The following DYSF variants were observed in gnomAD, a reference collection of about 807,000 sequenced individuals.
The protein encoded by DYSF is dystrophy-associated fer-1-like 1.
Under a neutral mutation model 274.9 loss-of-function variants are expected in DYSF, and 212 were observed. That is an observed-to-expected ratio of 0.77 (90% CI 0.69 to 0.86). The LOEUF (loss-of-function observed/expected upper bound fraction) is 0.86, where lower values mean the gene tolerates loss of function less well. Ranked by LOEUF, DYSF falls within the 40% of genes least tolerant of loss-of-function variation. The pLI, the probability that DYSF is intolerant of heterozygous loss-of-function variation, is 0.00. For synonymous variants in DYSF, 1,091 were observed against 1,078.7 expected, an observed-to-expected ratio of 1.01 and a Z score of -0.22; for missense variants, 2,666 against 2,783.2, an observed-to-expected ratio of 0.96 and a Z score of 0.95.
At chr2:71,468,828 G>A (rs1036883972) in intron 1 of DYSF, among the ~76,000 whole-genome samples, 1 of 152,178 alleles carries the variant, frequency 6.6e-6, no homozygotes, top group Non-Finnish European at 1.5e-5. Flanking sequence ...ATGCTTAGGT[G>A]CCTTGAGAGC....
chr2:71,607,995 A>G (rs986136595), intron 36 of DYSF, among the ~76,000 whole-genome samples: 4 of 152,064 alleles, frequency 2.6e-5, no homozygotes, highest in African/African-American at 9.7e-5. Flanking sequence ...GGCTCAGCAA[A>G]CAGGGTGAGG....
At chr2:71,602,950 A>C in intron 36 of DYSF, 145 bp downstream of exon 36, 1 of 994,970 alleles carries the variant, frequency 1.0e-6, no homozygotes, top group Non-Finnish European at 1.5e-6. Context: ...TTTATTCCCC[A>C]TGCTGTGTGT....
chr2:71,664,125 T>C, intron 45 of DYSF, 143 bp from the exon 46 acceptor site: 1 of 965,062 alleles, frequency 1.0e-6, no homozygotes, highest in Non-Finnish European at 1.6e-6. Context: ...AGTACAGCAG[T>C]GCTGTGGGTG....
chr2:71,466,295 TCGTC>T (rs1172635614), upstream of DYSF, among the ~76,000 whole-genome samples: 1 of 152,192 alleles, frequency 6.6e-6, no homozygotes, highest in Non-Finnish European at 1.5e-5. Flanking sequence ...AGACACACTC[TCGTC>T]CCCGCCGCTG....
At chr2:71,654,855 G>A (rs1443755282) in intron 42 of DYSF, among the ~76,000 whole-genome samples, 2 of 152,144 alleles carry the variant, frequency 1.3e-5, no homozygotes, top group Non-Finnish European at 2.9e-5. Context: ...GAAGTGGGAG[G>A]ATTGCTTGAG....
At chr2:71,533,230 G>C (rs1559096201) in intron 14 of DYSF, among the ~76,000 whole-genome samples, 1 of 152,188 alleles carries the variant, frequency 6.6e-6, no homozygotes, top group Non-Finnish European at 1.5e-5. Context: ...ACATTATCCA[G>C]GCTTGTCTTG....
intron 13 of DYSF, among the ~76,000 whole-genome samples, chr2:71,526,708 T>A (rs571672039): frequency 1.3e-5 from 2 of 152,390 alleles, no homozygotes; most frequent in East Asian, 3.9e-4. Context: ...AAGCCCGTCC[T>A]GCTAGTGGCA....
intron 13 of DYSF, among the ~76,000 whole-genome samples, chr2:71,527,368 G>T (rs1307440414): frequency 1.3e-5 from 2 of 152,160 alleles, no homozygotes; most frequent in African/African-American, 4.8e-5. Flanking sequence ...CTGACGTCAA[G>T]AAATGAAATG....
chr2:71,553,188 G>C lies in DYSF; in HGVS notation c.1984G>C (p.Gly662Arg). The change falls in exon 20 of 56, where the codon GGG becomes CGG. Residue 662 changes from glycine to arginine, a missense_variant and splice_region_variant. Gly to Arg is a moderately radical substitution (Grantham distance 125). Around this residue, in one of 3 missense-constraint regions of DYSF, gnomAD observed 412 missense variants for 504.0 expected, o/e 0.82. Coordinates refer to ENST00000410020, the MANE Select transcript of DYSF (RefSeq NM_001130987.2). ...TTQYSRAVFD[G>R]CHYYYLPWGN... ...TCAGTACAGCCGTGCAGTCTTTGAC[G>C]GTGAGGCAGTGCTCCTGGCTGGGAC... The C allele has an allele frequency of 6.2e-7, 1 of 1,613,982 alleles. No homozygotes were observed. Among genetic ancestry groups the C allele is most frequent in the Non-Finnish European group, 8.5e-7 (1 of 1,180,038 alleles).
chr2:71,544,641 A>G (rs2090320574), intron 17 of DYSF, among the ~76,000 whole-genome samples: 1 of 151,898 alleles, frequency 6.6e-6, no homozygotes, highest in African/African-American at 2.4e-5. Flanking sequence ...TTTTATTTTT[A>G]GTAGAGACGG....
chr2:71,633,403 G>A (rs2094346586), intron 41 of DYSF, among the ~76,000 whole-genome samples: 1 of 152,192 alleles, frequency 6.6e-6, no homozygotes, highest in South Asian at 2.1e-4. Flanking sequence ...CCTTTGTACC[G>A]TGATTCCAGT....
chr2:71,457,540 C>T (rs904050958), intron 1 of DYSF, among the ~76,000 whole-genome samples: 1 of 152,192 alleles, frequency 6.6e-6, no homozygotes, highest in Non-Finnish European at 1.5e-5. Flanking sequence ...CTGATGCCCC[C>T]CTCGGTCTGC....
rs546076348 is a variant in DYSF at position 71,598,238 on chromosome 2, A to G, written c.3575-326A>G. The stretch of plus-strand genomic sequence containing the variant: ...GCTGGATGAATGAATGAATAGATGA[A>G]TATACCATACAGGCACTCACTTCCC... On this transcript the variant is annotated intron_variant, in intron 32 of 55. Coordinates refer to ENST00000410020, the MANE Select transcript of DYSF (RefSeq NM_001130987.2). Among the ~76,000 whole-genome samples, 543 of 152,380 alleles carry G rather than the reference A, an allele frequency of 3.6e-3. 3 individuals are homozygous for G. Among genetic ancestry groups the G allele is most frequent in the African/African-American group, 0.013 (531 of 41,590 alleles).
intron 7 of DYSF, among the ~76,000 whole-genome samples, chr2:71,515,187 A>G (rs1469180915): frequency 6.6e-6 from 1 of 152,236 alleles, no homozygotes; most frequent in Non-Finnish European, 1.5e-5. Flanking sequence ...GTAAGAAAGC[A>G]TTGCATCTTA....
intron 3 of DYSF, among the ~76,000 whole-genome samples, chr2:71,490,634 T>A (rs939039803): frequency 1.3e-5 from 2 of 152,244 alleles, no homozygotes; most frequent in Non-Finnish European, 2.9e-5. Flanking sequence ...GCCTGGTGCA[T>A]ATCTTTCTGG....
chr2:71,569,269 A>G (rs192100584), intron 26 of DYSF, among the ~76,000 whole-genome samples: 1 of 152,188 alleles, frequency 6.6e-6, no homozygotes, highest in Non-Finnish European at 1.5e-5. Context: ...CCTCCTCTGC[A>G]CGTGAACCCT....
In DYSF at chr2:71,598,611, G is replaced by T. The variant is rs946468292; in HGVS notation, c.3622G>T (p.Val1208Leu). The T allele has an allele frequency of 1.2e-6, 2 of 1,614,194 alleles. No homozygotes were observed. The highest frequency in any genetic ancestry group is 2.7e-5 in the African/African-American group (2 of 75,044). ...CCTGCACCAGAGCCAGAAGACGGTG[G>T]TGGTGAAGAACACCCTTAACCCCAC... ...SFLHQSQKTV[V>L]VKNTLNPTWD... Residue 1208 changes from valine (V) to leucine (L), a missense_variant, in exon 33 of 56, where the codon GTG becomes TTG. Transcript: ENST00000410020.
Position 71,656,208 on chromosome 2 carries a change from C to G in DYSF, c.4673C>G (p.Ser1558Cys). 1 of 1,614,196 alleles carries G rather than the reference C, an allele frequency of 6.2e-7. No homozygotes were observed. Among genetic ancestry groups the G allele is most frequent in the South Asian group, 1.1e-5 (1 of 91,084 alleles). Residue 1558 changes from serine (S) to cysteine (C), a missense_variant, in exon 43 of 56, where the codon TCT becomes TGT. By Grantham distance (112) the Ser-to-Cys change is moderately radical (BLOSUM62 -1). Around this residue, in one of 3 missense-constraint regions of DYSF, gnomAD observed 1,460 missense variants for 1,502.1 expected, o/e 0.97. Coordinates refer to ENST00000410020, the MANE Select transcript of DYSF (RefSeq NM_001130987.2). ...AATGTGGAGGCCTTTGAGGGCCTGT[C>G]TGACTTTTGTAACACCTTCAAGCTG... ...LENVEAFEGL[S>C]DFCNTFKLYR...
At chr2:71,676,544 CTT>C (rs921049979) in intron 52 of DYSF, among the ~76,000 whole-genome samples, 1 of 151,696 alleles carries the variant, frequency 6.6e-6, no homozygotes, top group Non-Finnish European at 1.5e-5. Context: ...TTTATGGAGA[CTT>C]TTTTTCTTAC....
Sources: allele counts gnomAD v4.1 joint callset (sites outside exome capture counted in the v4.1 genomes callset), GRCh38; gene constraint gnomAD v4.1.1; regional missense constraint gnomAD v4.1.1; transcripts MANE v1.5; gene names NCBI Gene and HGNC (gene_info 2026-07-23, HGNC 2026-07-21).